Variants in HEATR5B observed in about 807,000 individuals in gnomAD.
HEATR5B encodes the protein HEAT repeat containing 5B, also known as HEAT repeat-containing protein 5B.
In HEATR5B, 156 loss-of-function variants were observed where a neutral mutation model predicts 224.1. The observed-to-expected ratio is 0.70, with a 90% confidence interval of 0.61 to 0.80. The LOEUF is 0.80. Among genes scored for constraint, HEATR5B ranks in the 30% least tolerant of loss-of-function variants. The probability of loss-of-function intolerance (pLI) is 0.00; values close to 1 mark genes in which losing one functional copy is unlikely to be tolerated. For missense variants in HEATR5B, 2,323 were observed against 2,535.5 expected (o/e 0.92, Z 1.80); for synonymous variants, 1,027 against 893.0 (o/e 1.15, Z -2.68).
chr2:37,016,981 C>G (rs17332671), intron 26 of HEATR5B, among the ~76,000 whole-genome samples: 40,147 of 151,892 alleles, frequency 0.26, 5,664 homozygotes, highest in Non-Finnish European at 0.3. Flanking sequence ...CTGTTACTCC[C>G]AAAGGAAACT....
intron 35 of HEATR5B, among the ~76,000 whole-genome samples, chr2:36,986,113 G>C (rs952232245): frequency 6.6e-6 from 1 of 152,044 alleles, no homozygotes; most frequent in Non-Finnish European, 1.5e-5. Flanking sequence ...ACTTAGTGCT[G>C]GGATTACAAA....
At chr2:37,040,204 C>A in intron 20 of HEATR5B, 125 bp downstream of exon 20, 1 of 732,760 alleles carries the variant, frequency 1.4e-6, no homozygotes, top group Non-Finnish European at 2.2e-6. Flanking sequence ...TTCAGTAAAT[C>A]CAAGTATTCA....
chr2:36,988,571 CTAA>C, intron 35 of HEATR5B, 72 bp downstream of exon 35: 1 of 1,312,236 alleles, frequency 7.6e-7, no homozygotes. Context: ...AGGCCTGTTT[CTAA>C]TATCAAATAA....
In HEATR5B at chr2:37,082,221, G is replaced by A. The variant is rs192671004; in HGVS notation, c.126+1068C>T. On this transcript the variant is annotated intron_variant, in intron 2 of 35. Coordinates refer to ENST00000233099, the MANE Select transcript of HEATR5B (RefSeq NM_019024.3). ...AGTAGCTGGGATTACAGGCGCCCAC[G>A]ACCACGCCTGGCTAATTTTCGTACT... is the stretch of plus-strand genomic sequence containing the variant. Among the ~76,000 whole-genome samples, 6 of 150,854 alleles carry A rather than the reference G, an allele frequency of 4.0e-5. No individual in the cohort carries two copies. The East Asian group carries it at 1.2e-3, about 29-fold the overall frequency.
chr2:37,060,803 T>G lies in HEATR5B; in HGVS notation c.1697-70A>C, dbSNP rs75945838. 6.1e-4 allele frequency: 795 copies of G among 1,299,704 alleles called. 10 individuals carry two copies. In the African/African-American group the frequency reaches 0.01, roughly 17 times the overall value. The allele number at this position is 1,299,704 out of a possible 1,614,324, so 80.5% of individuals were successfully genotyped here. A position where few individuals can be genotyped will look rare whatever the true frequency, so the allele number is the denominator to read the frequency against. ...CCTTACAAACAAGTGTCAAGCAAAA[T>G]GAGCCCAACACAAACTTTATGTAAT... is the stretch of plus-strand genomic sequence containing the variant. On this transcript the variant is annotated intron_variant, in intron 11 of 35. Coordinates refer to ENST00000233099, the MANE Select transcript of HEATR5B (RefSeq NM_019024.3).
intron 26 of HEATR5B, among the ~76,000 whole-genome samples, chr2:37,019,566 C>A (rs1226962022): frequency 6.6e-6 from 1 of 151,804 alleles, no homozygotes; most frequent in Non-Finnish European, 1.5e-5. Flanking sequence ...AAGATATCCA[C>A]CAACCTCAGC....
intron 22 of HEATR5B, among the ~76,000 whole-genome samples, chr2:37,030,402 G>T (rs1283581569): frequency 6.6e-6 from 1 of 152,178 alleles, no homozygotes; most frequent in African/African-American, 2.4e-5. Flanking sequence ...TCTATAGTAT[G>T]AATGTTAACG....
intron 21 of HEATR5B, among the ~76,000 whole-genome samples, chr2:37,034,387 G>A (rs1251169839): frequency 2.8e-5 from 4 of 142,152 alleles, no homozygotes; most frequent in Admixed American, 2.8e-4. Context: ...GCCGAGGCGG[G>A]CGGATCACGA....
In HEATR5B at chr2:37,028,020, G is replaced by A. The variant is rs560096586; in HGVS notation, c.3756C>T (p.Ala1252=). The A allele has an allele frequency of 2.0e-5, 33 of 1,614,038 alleles. No individual in the cohort carries two copies. In the African/African-American group the frequency reaches 2.9e-4, roughly 14 times the overall value. Residue 1252 remains alanine (A), a synonymous_variant, in exon 24 of 36, where the codon GCC becomes GCT. Transcript: ENST00000233099. ...AATTGATGATTCGACACAGGCAATC[G>A]GCAGCAAATACTCGAGTGGCCCAGC... is the stretch of plus-strand genomic sequence containing the variant. ...APRWATRVFA[A]DCLCRIINLC... is the part of the protein sequence containing the mutation.
intron 21 of HEATR5B, among the ~76,000 whole-genome samples, chr2:37,036,662 C>T (rs1334964075): frequency 6.6e-6 from 1 of 152,020 alleles, no homozygotes; most frequent in Admixed American, 6.6e-5. Flanking sequence ...TAGGCACCCG[C>T]CACCACCCCT....
Position 36,999,408 on chromosome 2 carries a change from T to C in HEATR5B, c.5545+1178A>G, listed in dbSNP as rs867308965. ...AATTCTGGAGAGAGGCCGGGCACAG[T>C]GGCTCATGCCTGTAATCTCAGCAAC... is the stretch of plus-strand genomic sequence containing the variant. On this transcript the variant is annotated intron_variant, in intron 33 of 35. Coordinates refer to ENST00000233099, the MANE Select transcript of HEATR5B (RefSeq NM_019024.3). Among the ~76,000 whole-genome samples, 3 of 152,088 alleles carry C rather than the reference T, an allele frequency of 2.0e-5. 1 individual carries two copies. In the South Asian group the frequency reaches 6.2e-4, roughly 31 times the overall value.
At chr2:37,083,168 T>A in intron 2 of HEATR5B, 121 bp downstream of exon 2, 1 of 1,077,156 alleles carries the variant, frequency 9.3e-7, no homozygotes. Context: ...ATTCGTGTAA[T>A]ACTCTCAAGT....
At chr2:36,997,399 G>C (rs1666790035) in intron 33 of HEATR5B, among the ~76,000 whole-genome samples, 1 of 151,676 alleles carries the variant, frequency 6.6e-6, no homozygotes, top group Non-Finnish European at 1.5e-5. Flanking sequence ...ATATTGCCCA[G>C]AATGGTCACA....
At chr2:37,023,630 A>G (rs768686189) in intron 24 of HEATR5B, among the ~76,000 whole-genome samples, 10 of 152,072 alleles carry the variant, frequency 6.6e-5, no homozygotes, top group Non-Finnish European at 1.0e-4. Context: ...TTAGCTGGAC[A>G]TGGCGGCGGG....
At chr2:37,047,330 A>G (rs1163375716) in intron 18 of HEATR5B, among the ~76,000 whole-genome samples, 1 of 152,226 alleles carries the variant, frequency 6.6e-6, no homozygotes, top group Admixed American at 6.5e-5. Flanking sequence ...ATTCCTAAAG[A>G]GCAGTTGTTT....
At chr2:37,071,835 A>G (rs1671927462) in intron 6 of HEATR5B, among the ~76,000 whole-genome samples, 1 of 151,904 alleles carries the variant, frequency 6.6e-6, no homozygotes, top group African/African-American at 2.4e-5. Context: ...CAGGTGCATG[A>G]CACCATGCCT....
intron 27 of HEATR5B, among the ~76,000 whole-genome samples, chr2:37,012,165 T>C (rs1046314453): frequency 1.3e-5 from 2 of 152,220 alleles, no homozygotes; most frequent in African/African-American, 2.4e-5. Flanking sequence ...TAAACAGTTA[T>C]ATAAACACGC....
intron 30 of HEATR5B, among the ~76,000 whole-genome samples, 172 bp downstream of exon 30, chr2:37,005,460 G>C (rs1667349501): frequency 6.6e-6 from 1 of 152,092 alleles, no homozygotes; most frequent in African/African-American, 2.4e-5. Flanking sequence ...CCACGTTTGA[G>C]GCAGACCAGG....
At chr2:36,995,305 G>A (rs1015014935) in intron 33 of HEATR5B, among the ~76,000 whole-genome samples, 3 of 151,892 alleles carry the variant, frequency 2.0e-5, no homozygotes, top group African/African-American at 7.3e-5. Flanking sequence ...TGGCCAGCCT[G>A]GTCTCGAACT....
Sources: allele counts gnomAD v4.1 joint callset (sites outside exome capture counted in the v4.1 genomes callset), GRCh38; gene constraint gnomAD v4.1.1; transcripts MANE v1.5; gene names NCBI Gene and HGNC (gene_info 2026-07-23, HGNC 2026-07-21).